The following DENND1A variants were observed in gnomAD, a reference collection of about 807,000 sequenced individuals.
DENND1A encodes DENN domain containing 1A.
Under a neutral mutation model 113.7 loss-of-function variants are expected in DENND1A, and 51 were observed. The ratio of observed to expected loss-of-function variants is 0.45; its 90% CI spans 0.36 to 0.57. The LOEUF (loss-of-function observed/expected upper bound fraction) is 0.57, where lower values mean the gene tolerates loss of function less well. Ranked by LOEUF, DENND1A falls within the 20% of genes least tolerant of loss-of-function variation. DENND1A has a pLI of 0.00. For synonymous variants in DENND1A, 565 were observed against 570.8 expected (o/e 0.99, Z 0.14); for missense variants, 1,258 against 1,395.9 (o/e 0.90, Z 1.57).
intron 7 of DENND1A, among the ~76,000 whole-genome samples, chr9:123,670,092 T>C (rs1045743446): frequency 2.0e-5 from 3 of 152,220 alleles, no homozygotes; most frequent in African/African-American, 7.2e-5. Context: ...ATATTTAGTA[T>C]AAATTAGGAA....
Position 123,757,688 on chromosome 9 carries a change from A to G in DENND1A, c.302+15T>C. The G allele has an allele frequency of 6.2e-7, 1 of 1,613,102 alleles. No individual in the cohort carries two copies. Among genetic ancestry groups the G allele is most frequent in the Non-Finnish European group, 8.5e-7 (1 of 1,179,438 alleles). On this transcript the variant is annotated intron_variant, in intron 5 of 23. Transcript: ENST00000394215. ...CTTCAGAGAACAAGCCAACAGCCCAAGCCTTCTCCCTTACCTTAAGATACA... is the reference window on the plus strand; with the variant it reads ...CTTCAGAGAACAAGCCAACAGCCCAGGCCTTCTCCCTTACCTTAAGATACA...
At chr9:123,609,404 G>C (rs774722953) in intron 11 of DENND1A, 32 bp downstream of exon 11, 2 of 1,611,370 alleles carry the variant, frequency 1.2e-6, no homozygotes, top group Non-Finnish European at 1.7e-6. Flanking sequence ...GCCCCAGGTA[G>C]AGCCATCTGG....
chr9:123,648,458 A>G (rs1199058824), intron 9 of DENND1A, among the ~76,000 whole-genome samples: 1 of 152,172 alleles, frequency 6.6e-6, no homozygotes, highest in Non-Finnish European at 1.5e-5. Context: ...GGCCATTTGT[A>G]TTTCTTCTGT....
chr9:123,851,762 G>A (rs961308125), intron 2 of DENND1A, among the ~76,000 whole-genome samples: 4 of 152,176 alleles, frequency 2.6e-5, no homozygotes, highest in Admixed American at 2.6e-4. Flanking sequence ...GCTCCTACGG[G>A]GAGAAACACA....
intron 13 of DENND1A, among the ~76,000 whole-genome samples, chr9:123,540,030 T>A (rs2056167863): frequency 6.6e-6 from 1 of 152,248 alleles, no homozygotes; most frequent in African/African-American, 2.4e-5. Flanking sequence ...CACTTCTTTG[T>A]AAACAGTGTC....
intron 13 of DENND1A, among the ~76,000 whole-genome samples, chr9:123,472,964 C>A (rs1043377148): frequency 6.6e-6 from 1 of 152,168 alleles, no homozygotes; most frequent in African/African-American, 2.4e-5. Flanking sequence ...CCTCCTTGCC[C>A]GGGGCTGGGT....
At chr9:123,607,520 CAGAG>C (rs33997878) in intron 11 of DENND1A, among the ~76,000 whole-genome samples, 890 of 73,652 alleles carry the variant, frequency 0.012, 9 homozygotes, top group Admixed American at 0.022. Flanking sequence ...CACACACACA[CAGAG>C]AGAGAGAGAG....
chr9:123,623,250 A>G (rs2061040937), intron 10 of DENND1A, among the ~76,000 whole-genome samples: 1 of 152,240 alleles, frequency 6.6e-6, no homozygotes. Flanking sequence ...GCTTAATGTG[A>G]GTTAAACCTT....
intron 5 of DENND1A, among the ~76,000 whole-genome samples, chr9:123,710,217 C>T (rs979333754): frequency 2.0e-5 from 3 of 152,126 alleles, no homozygotes; most frequent in African/African-American, 7.2e-5. Context: ...AAAGTGTGTG[C>T]GTCTAAAGAT....
chr9:123,451,616 A>G (rs1037835753), intron 17 of DENND1A, among the ~76,000 whole-genome samples: 2 of 152,190 alleles, frequency 1.3e-5, no homozygotes, highest in Non-Finnish European at 2.9e-5. Context: ...ATTTTGACCC[A>G]ATAATGGGGA....
chr9:123,595,013 G>A (rs963084603), intron 11 of DENND1A, among the ~76,000 whole-genome samples: 6 of 152,156 alleles, frequency 3.9e-5, no homozygotes, highest in Admixed American at 3.9e-4. Context: ...AGGCCCCAAA[G>A]GTCACCAAGC....
At chr9:123,880,810 T>C (rs1228205730) in intron 1 of DENND1A, among the ~76,000 whole-genome samples, 4 of 152,164 alleles carry the variant, frequency 2.6e-5, no homozygotes, top group African/African-American at 9.7e-5. Context: ...GAATGAACTG[T>C]TTCCCCCCAC....
At chr9:123,718,238 T>C (rs763095429) in intron 5 of DENND1A, among the ~76,000 whole-genome samples, 13 of 152,202 alleles carry the variant, frequency 8.5e-5, no homozygotes, top group Non-Finnish European at 1.6e-4. Context: ...TAATGTAAAA[T>C]GCATTAGTGT....
intron 8 of DENND1A, among the ~76,000 whole-genome samples, chr9:123,656,248 G>T (rs1360294408): frequency 6.6e-6 from 1 of 152,036 alleles, no homozygotes; most frequent in Non-Finnish European, 1.5e-5. Flanking sequence ...GAGGCAGGGC[G>T]GGGAGGGAGA....
At chr9:123,928,359 C>T (rs1178675793) in intron 1 of DENND1A, among the ~76,000 whole-genome samples, 2 of 152,224 alleles carry the variant, frequency 1.3e-5, no homozygotes, top group Non-Finnish European at 2.9e-5. Flanking sequence ...CTCTGCAACT[C>T]TAAGTTGGCT....
chr9:123,782,901 C>T (rs1445870803), intron 3 of DENND1A, among the ~76,000 whole-genome samples: 2 of 150,692 alleles, frequency 1.3e-5, no homozygotes, highest in African/African-American at 4.9e-5. Context: ...TACATATATT[C>T]AGGCCCACAG....
intron 18 of DENND1A, among the ~76,000 whole-genome samples, 190 bp downstream of exon 18, chr9:123,450,503 G>A (rs1167524486): frequency 1.3e-5 from 2 of 152,208 alleles, no homozygotes; most frequent in African/African-American, 2.4e-5. Flanking sequence ...GAGTCTTAAT[G>A]TTATTTGAAG....
At chr9:123,454,956 G>A (rs1032068468) in intron 15 of DENND1A, among the ~76,000 whole-genome samples, 177 bp from the exon 16 acceptor site, 6 of 150,658 alleles carry the variant, frequency 4.0e-5, no homozygotes, top group Non-Finnish European at 5.9e-5. Flanking sequence ...TCAGTCTCCC[G>A]GATTACAGGT....
chr9:123,768,033 A>G (rs1829111060), intron 4 of DENND1A, among the ~76,000 whole-genome samples: 1 of 152,186 alleles, frequency 6.6e-6, no homozygotes, highest in South Asian at 2.1e-4. Context: ...TTTGCATTAA[A>G]TATCTCTAAA....
Sources: gnomAD v4.1 joint callset for allele counts (sites outside exome capture counted in the v4.1 genomes callset) on GRCh38, gnomAD v4.1.1 for gene constraint, MANE v1.5 for transcripts, NCBI Gene and HGNC (gene_info 2026-07-23, HGNC 2026-07-21) for gene names.